Variants in LRBA observed in about 807,000 individuals in gnomAD.
The protein encoded by LRBA is LPS responsive beige-like anchor protein.
A neutral mutation model predicts 330.0 loss-of-function variants in LRBA; 176 were observed. The ratio of observed to expected loss-of-function variants is 0.53; its 90% CI spans 0.47 to 0.60. The LOEUF is 0.60. LRBA is among the 20% of genes least tolerant of loss of function. The probability of loss-of-function intolerance (pLI) is 0.00; values close to 1 mark genes in which losing one functional copy is unlikely to be tolerated. For missense variants in LRBA, 3,259 were observed against 3,444.8 expected (o/e 0.95, Z 1.35); for synonymous variants, 1,230 against 1,193.0 (o/e 1.03, Z -0.64).
At chr4:150,892,574 T>C (rs571637145) in intron 17 of LRBA, among the ~76,000 whole-genome samples, 55 of 152,308 alleles carry the variant, frequency 3.6e-4, no homozygotes, top group African/African-American at 1.3e-3. Flanking sequence ...TCCAGAACTG[T>C]GAGAAACCAA....
At chr4:150,780,797 T>C (rs890114746) in intron 34 of LRBA, among the ~76,000 whole-genome samples, 1 of 151,756 alleles carries the variant, frequency 6.6e-6, no homozygotes, top group Non-Finnish European at 1.5e-5. Flanking sequence ...GAAGACAATT[T>C]TTCCACAGAC....
chr4:150,408,458 A>G (rs1026012001), intron 47 of LRBA, among the ~76,000 whole-genome samples: 3 of 152,198 alleles, frequency 2.0e-5, no homozygotes, highest in Non-Finnish European at 4.4e-5. Context: ...TCCACCAAAC[A>G]TTTAAAGAAG....
chr4:150,592,144 G>GTTTTTTTTTTTTTTTTTTTT (rs10685627), intron 38 of LRBA, among the ~76,000 whole-genome samples: 12 of 65,188 alleles, frequency 1.8e-4, no homozygotes, highest in East Asian at 1.3e-3. Context: ...GATGGCTAGG[G>GTTTTTTTTTTTTTTTTTTTT]TTTTTTTTTT....
intron 37 of LRBA, among the ~76,000 whole-genome samples, chr4:150,624,281 T>C (rs1026019186): frequency 7.0e-6 from 1 of 142,006 alleles, no homozygotes; most frequent in Non-Finnish European, 1.5e-5. Context: ...CTTTCCTCTG[T>C]ATAACAATGC....
intron 14 of LRBA, among the ~76,000 whole-genome samples, chr4:150,899,624 A>G (rs1244117417): frequency 2.6e-5 from 4 of 152,218 alleles, no homozygotes; most frequent in Non-Finnish European, 5.9e-5. Flanking sequence ...AACATTTTGT[A>G]ATTTCATTAT....
chr4:150,347,292 G>A (rs1436632528), intron 48 of LRBA, among the ~76,000 whole-genome samples: 1 of 152,128 alleles, frequency 6.6e-6, no homozygotes, highest in Non-Finnish European at 1.5e-5. Flanking sequence ...AGAGATGGAT[G>A]GTGGTGATGG....
chr4:150,277,733 C>T, intron 56 of LRBA, 120 bp downstream of exon 56: 2 of 1,055,824 alleles, frequency 1.9e-6, no homozygotes, highest in Non-Finnish European at 2.8e-6. Context: ...AACTCCTGGG[C>T]TCAAGTGATT....
intron 48 of LRBA, among the ~76,000 whole-genome samples, chr4:150,345,619 A>G (rs1455787760): frequency 6.6e-6 from 1 of 152,196 alleles, no homozygotes; most frequent in Non-Finnish European, 1.5e-5. Context: ...AGTGGGCATT[A>G]TCGTATGACT....
intron 37 of LRBA, among the ~76,000 whole-genome samples, chr4:150,673,660 G>T (rs1172838185): frequency 6.6e-6 from 1 of 152,100 alleles, no homozygotes; most frequent in African/African-American, 2.4e-5. Flanking sequence ...ATGAGAGTTA[G>T]TTACAAATAT....
At chr4:150,310,413 T>C (rs200650484) in intron 51 of LRBA, 29 bp from the exon 52 acceptor site, 1 of 1,578,356 alleles carries the variant, frequency 6.3e-7, no homozygotes, top group Non-Finnish European at 8.7e-7. Context: ...AAAACAACTA[T>C]TAAATCCACA....
chr4:150,450,197 T>C (rs145123090), intron 44 of LRBA, among the ~76,000 whole-genome samples: 38 of 152,316 alleles, frequency 2.5e-4, no homozygotes, highest in African/African-American at 7.2e-4. Context: ...AAGAGGGACA[T>C]TGCATAATGA....
At chr4:150,440,661 C>T (rs979624545) in intron 44 of LRBA, among the ~76,000 whole-genome samples, 4 of 151,926 alleles carry the variant, frequency 2.6e-5, no homozygotes, top group African/African-American at 7.3e-5. Flanking sequence ...ATAGTCCCAA[C>T]TACTTGGGAG....
At chr4:150,590,573 G>T (rs1581759434) in intron 39 of LRBA, 140 bp downstream of exon 39, 1 of 655,832 alleles carries the variant, frequency 1.5e-6, no homozygotes, top group East Asian at 2.7e-5. Context: ...TGTAGAAGGG[G>T]GGGAAGTATT....
chr4:150,805,437 GGAA>G (rs1560841776), intron 33 of LRBA, among the ~76,000 whole-genome samples: 2 of 85,866 alleles, frequency 2.3e-5, no homozygotes, highest in African/African-American at 5.9e-5. Context: ...GGAAAGGAAA[GGAA>G]GGAAAGGGAA....
chr4:150,311,996 G>A (rs560964911), intron 51 of LRBA, among the ~76,000 whole-genome samples: 2 of 152,230 alleles, frequency 1.3e-5, no homozygotes, highest in South Asian at 2.1e-4. Flanking sequence ...TGTTCCACAT[G>A]AGAGCTGTAA....
In LRBA at chr4:150,870,558, C is replaced by A. The variant is rs202180168; in HGVS notation, c.2416G>T (p.Asp806Tyr). 7.5e-6 allele frequency: 12 copies of A among 1,597,906 alleles called. No individual in the cohort carries two copies. In the East Asian group the frequency reaches 2.7e-4, roughly 36 times the overall value. Residue 806 changes from aspartate to tyrosine, a missense_variant, in exon 20 of 57, where the codon GAT (aspartate) becomes TAT (tyrosine). Physicochemically the swap from Asp to Tyr is radical, Grantham distance 160 (BLOSUM62 -3). Transcript: ENST00000651943. ...TGTATCTTCACTGAAGAATCAGGAT[C>A]TGGATGCTGTTTATGTATCACCTGA... ...GTQVIHKQHP[D>Y]PDSSVKIQNP... is the part of the protein sequence containing the mutation.
intron 37 of LRBA, among the ~76,000 whole-genome samples, chr4:150,643,234 C>T (rs1778844300): frequency 6.6e-6 from 1 of 151,744 alleles, no homozygotes; most frequent in South Asian, 2.1e-4. Context: ...TTTATTTATT[C>T]CACAAATATG....
intron 47 of LRBA, among the ~76,000 whole-genome samples, chr4:150,407,445 A>G (rs1411636759): frequency 1.3e-5 from 2 of 152,170 alleles, no homozygotes; most frequent in African/African-American, 4.8e-5. Flanking sequence ...CCACTAGCAA[A>G]ACAAAAACAA....
rs1301759219 is a variant in LRBA, at chr4:150,559,678, AATATATTATATT to A, written c.6330+28358_6330+28369del. Among the ~76,000 whole-genome samples the A allele has an allele frequency of 3.3e-4, 28 of 84,038 alleles. No individual in the cohort carries two copies. The Admixed American group carries it at 4.4e-3, about 13-fold the overall frequency. 55.1% of individuals were successfully genotyped at this position (84,038 alleles called of 152,430 possible). On this transcript the variant is annotated intron_variant, in intron 40 of 56. Coordinates refer to ENST00000651943, the MANE Select transcript of LRBA (RefSeq NM_001364905.1). ...TATAATTATAATATATATATTATATAATATATTATATTATATATTATATATTATATAATATTA... is the reference window on the plus strand; with the variant it reads ...TATAATTATAATATATATATTATATAATATATTATATATTATATAATATTA...
Sources: gnomAD v4.1 joint callset for allele counts (sites outside exome capture counted in the v4.1 genomes callset) on GRCh38, gnomAD v4.1.1 for gene constraint, MANE v1.5 for transcripts, NCBI Gene and HGNC (gene_info 2026-07-23, HGNC 2026-07-21) for gene names.